NREP: variants seen among roughly 807,000 people sequenced by gnomAD.
NREP encodes the protein neuronal regeneration-related protein.
In NREP, 5 loss-of-function variants were observed where a neutral mutation model predicts 8.6. The observed-to-expected ratio is 0.58, with a 90% CI of 0.30 to 1.22. The LOEUF (loss-of-function observed/expected upper bound fraction) is 1.22, where lower values mean the gene tolerates loss of function less well. Among genes scored for constraint, NREP ranks in the 50% most tolerant of loss-of-function variants. The pLI, the probability that NREP is intolerant of heterozygous loss-of-function variation, is 0.07. For missense variants in NREP, 86 were observed against 82.5 expected (o/e 1.04, Z -0.17); for synonymous variants, 27 against 28.0 (o/e 0.96, Z 0.11).
rs1346114966 is a variant in NREP at position 111,763,260 on chromosome 5, G to T, written c.136-27753C>A. ...CAGGAACTCAGCCATTGACACTGGG[G>T]ATGCTGACAATGAGAGGAGGAAAAA... On this transcript the variant is annotated intron_variant, in intron 2 of 3. Coordinates refer to the NREP transcript ENST00000395634. Among the ~76,000 whole-genome samples the T allele has an allele frequency of 2.6e-5, 4 of 152,288 alleles. No individual in the cohort carries two copies. In the East Asian group the frequency reaches 7.7e-4, roughly 29 times the overall value.
intron 3 of NREP, 28 bp downstream of exon 3, chr5:111,735,402 T>C (rs1248790533): frequency 1.4e-6 from 2 of 1,475,904 alleles, no homozygotes; most frequent in Non-Finnish European, 1.9e-6. Flanking sequence ...GAAAATAGTG[T>C]TAACAATATG....
At position 111,851,472 on chromosome 5, in the gene NREP, C is replaced by T. The variant is rs147790289; in HGVS notation, c.136-115965G>A. Among the ~76,000 whole-genome samples the T allele has an allele frequency of 3.3e-5, 5 of 152,000 alleles. No homozygotes were observed. The East Asian group carries it at 9.7e-4, about 29-fold the overall frequency. On this transcript the variant is annotated intron_variant, in intron 2 of 3. Transcript: ENST00000395634. ...GTGTGTGTACATATATAGAGAGTTCCAATATAAAGAGAGAAAGAGAGAGAG... is the reference window on the plus strand; with the variant it reads ...GTGTGTGTACATATATAGAGAGTTCTAATATAAAGAGAGAAAGAGAGAGAG...
chr5:111,914,530 T>C (rs1336155458), intron 2 of NREP, among the ~76,000 whole-genome samples: 4 of 152,068 alleles, frequency 2.6e-5, no homozygotes, highest in Admixed American at 6.6e-5. Flanking sequence ...TCGGGACAAA[T>C]ACAGAATGTA....
At chr5:111,736,206 AG>A (rs1219565601) in intron 2 of NREP, among the ~76,000 whole-genome samples, 3 of 152,182 alleles carry the variant, frequency 2.0e-5, no homozygotes, top group Admixed American at 1.3e-4. Flanking sequence ...ATGACAGGAG[AG>A]GGGAAAGGCC....
intron 2 of NREP, among the ~76,000 whole-genome samples, chr5:111,961,071 G>A (rs1756467141): frequency 6.6e-6 from 1 of 152,222 alleles, no homozygotes; most frequent in Non-Finnish European, 1.5e-5. Context: ...TCCAATGTCT[G>A]TAACATTTAT....
intron 2 of NREP, among the ~76,000 whole-genome samples, chr5:111,842,883 G>A (rs1224005539): frequency 1.3e-5 from 2 of 152,098 alleles, no homozygotes; most frequent in African/African-American, 2.4e-5. Context: ...TAGTACTTAC[G>A]ATATATTATT....
chr5:111,807,461 G>A (rs1262111928), intron 2 of NREP, among the ~76,000 whole-genome samples: 1 of 152,094 alleles, frequency 6.6e-6, no homozygotes, highest in African/African-American at 2.4e-5. Context: ...ATTTCATCAT[G>A]TTATGATGGT....
intron 2 of NREP, among the ~76,000 whole-genome samples, chr5:111,904,851 A>T (rs995175061): frequency 6.6e-6 from 1 of 152,114 alleles, no homozygotes; most frequent in Non-Finnish European, 1.5e-5. Flanking sequence ...ACCACACCTG[A>T]ACAGACCCTT....
intron 2 of NREP, among the ~76,000 whole-genome samples, chr5:111,972,342 T>A (rs1263859246): frequency 6.6e-6 from 1 of 152,158 alleles, no homozygotes; most frequent in East Asian, 1.9e-4. Flanking sequence ...CCTCAAAAAG[T>A]TAAAAATTAA....
At chr5:111,854,730 A>T (rs986234722) in intron 2 of NREP, among the ~76,000 whole-genome samples, 1 of 152,176 alleles carries the variant, frequency 6.6e-6, no homozygotes, top group East Asian at 1.9e-4. Flanking sequence ...ATAATAAAAC[A>T]TGAAAAAAAC....
chr5:111,887,511 T>C (rs1175716037), intron 2 of NREP, among the ~76,000 whole-genome samples: 1 of 152,188 alleles, frequency 6.6e-6, no homozygotes, highest in Non-Finnish European at 1.5e-5. Context: ...TGAAGTCCAT[T>C]TGGAGAAGGC....
chr5:111,961,346 C>T (rs1430715142), intron 2 of NREP, among the ~76,000 whole-genome samples: 1 of 152,214 alleles, frequency 6.6e-6, no homozygotes, highest in Admixed American at 6.5e-5. Flanking sequence ...TAATAAGCAG[C>T]ACAAAATGCA....
chr5:111,927,290 G>T (rs73787733), intron 2 of NREP, among the ~76,000 whole-genome samples: 2 of 152,036 alleles, frequency 1.3e-5, no homozygotes, highest in Non-Finnish European at 2.9e-5. Context: ...TTTTTCATGA[G>T]GGATGAGCTC....
Position 111,755,776 on chromosome 5 carries a change from G to C in NREP, c.-4C>G, listed in dbSNP as rs763243451. 1 of 1,613,834 alleles carries C rather than the reference G, an allele frequency of 6.2e-7. No homozygotes were observed. The highest frequency in any genetic ancestry group is 8.5e-7 in the Non-Finnish European group (1 of 1,179,780). ...TCTGATGACCAAGTCTTACCATTTT[G>C]AGAATCTTAGTCTTGGGCTTCTATT... On this transcript the variant is annotated 5_prime_UTR_variant, in exon 2 of 4. Transcript: ENST00000257435.
intron 2 of NREP, among the ~76,000 whole-genome samples, chr5:111,906,475 G>T (rs1754782205): frequency 6.6e-6 from 1 of 152,106 alleles, no homozygotes; most frequent in South Asian, 2.1e-4. Flanking sequence ...TTATAATGAT[G>T]TATCCAAATT....
intron 2 of NREP, among the ~76,000 whole-genome samples, chr5:111,946,091 C>T (rs1439760811): frequency 7.9e-6 from 1 of 127,216 alleles, no homozygotes; most frequent in Non-Finnish European, 1.7e-5. Context: ...CACACACACA[C>T]ACACACACAC....
At chr5:111,890,907 T>A (rs546501798) in intron 2 of NREP, among the ~76,000 whole-genome samples, 1 of 152,220 alleles carries the variant, frequency 6.6e-6, no homozygotes, top group African/African-American at 2.4e-5. Flanking sequence ...TCCCATTATC[T>A]TGGCTATCAG....
In NREP at chr5:111,866,983, C is replaced by T. The variant is rs1422355843; in HGVS notation, c.135+108291G>A. On this transcript the variant is annotated intron_variant, in intron 2 of 3. Coordinates refer to the NREP transcript ENST00000395634. ...ACACAGGAAGGGGAACATCACACAC[C>T]GGGGCCTGTTGTGGGGTGGGGGGAA... Among the ~76,000 whole-genome samples the T allele has an allele frequency of 8.5e-5, 12 of 141,600 alleles. 1 individual carries two copies. The highest frequency in any genetic ancestry group is 2.9e-4 in the Admixed American group (4 of 13,998). 92.9% of individuals were successfully genotyped at this position (141,600 alleles called of 152,430 possible).
chr5:111,975,470 G>A, intron 1 of NREP: 1 of 809,412 alleles, frequency 1.2e-6, no homozygotes, highest in Non-Finnish European at 2.1e-6. Flanking sequence ...GAGGAGAATG[G>A]GCATTGTTCT....
Sources: allele counts gnomAD v4.1 joint callset (sites outside exome capture counted in the v4.1 genomes callset), GRCh38; gene constraint gnomAD v4.1.1; transcripts MANE v1.5; gene names NCBI Gene and HGNC (gene_info 2026-07-23, HGNC 2026-07-21).